SNX24: variants seen among roughly 807,000 people sequenced by gnomAD.
The protein encoded by SNX24 is sorting nexin-24.
In SNX24, 22 loss-of-function variants were observed where a neutral mutation model predicts 28.7. That is an observed-to-expected ratio of 0.77 (90% CI 0.55 to 1.10). The LOEUF is 1.10. Among genes scored for constraint, SNX24 ranks in the 50% least tolerant of loss-of-function variants. The probability of loss-of-function intolerance (pLI) is 0.00; values close to 1 mark genes in which losing one functional copy is unlikely to be tolerated. For missense variants in SNX24, 221 were observed against 201.1 expected (o/e 1.10, Z -0.60); for synonymous variants, 69 against 71.5 (o/e 0.96, Z 0.18).
At chr5:123,002,660 T>C (rs1189506892) in intron 6 of SNX24, among the ~76,000 whole-genome samples, 2 of 152,264 alleles carry the variant, frequency 1.3e-5, no homozygotes, top group African/African-American at 4.8e-5. Context: ...CGAAACTATG[T>C]GTATATACAT....
At chr5:122,989,819 A>G (rs138312961) in intron 3 of SNX24, among the ~76,000 whole-genome samples, 134 of 152,336 alleles carry the variant, frequency 8.8e-4, no homozygotes, top group Non-Finnish European at 1.4e-3. Context: ...ATTCATTTCA[A>G]TGTTAGATTT....
intron 3 of SNX24, among the ~76,000 whole-genome samples, chr5:122,967,228 A>T (rs1176447781): frequency 1.3e-5 from 2 of 152,208 alleles, no homozygotes; most frequent in Non-Finnish European, 2.9e-5. Flanking sequence ...ATTATCTCCT[A>T]GCCCTCACCA....
intron 1 of SNX24, among the ~76,000 whole-genome samples, chr5:122,903,174 G>A (rs30033): frequency 0.78 from 118,373 of 152,026 alleles, 47,127 homozygotes; most frequent in East Asian, 0.99. Context: ...TGGCACGATC[G>A]TGGCTCACTG....
Position 123,008,164 on chromosome 5 carries a change from C to G in SNX24, c.*415C>G. On this transcript the variant is annotated 3_prime_UTR_variant, in exon 7 of 7. Transcript: ENST00000261369. ...TTTTTTGTTCAGATCTTATGACACA[C>G]TACTCTTCTCACCGTGAGATTTTCT... 1.0e-6 allele frequency: 1 copy of G among 989,672 alleles called. No homozygotes were observed. The highest frequency in any genetic ancestry group is 1.2e-6 in the Non-Finnish European group (1 of 833,086). 61.3% of individuals were successfully genotyped at this position (989,672 alleles called of 1,614,324 possible).
intron 1 of SNX24, among the ~76,000 whole-genome samples, chr5:122,848,167 A>G (rs574444840): frequency 1.3e-5 from 2 of 152,150 alleles, no homozygotes; most frequent in Non-Finnish European, 2.9e-5. Flanking sequence ...CAGTGGCGCA[A>G]TCCTAGCTCA....
chr5:123,021,414 G>A (rs987454333), intron 5 of SNX24, among the ~76,000 whole-genome samples: 1 of 152,118 alleles, frequency 6.6e-6, no homozygotes, highest in Non-Finnish European at 1.5e-5. Flanking sequence ...GTGAGGGAAG[G>A]ATGTGATTTC....
downstream of SNX24, among the ~76,000 whole-genome samples, chr5:123,013,657 G>A (rs1762632290): frequency 1.3e-5 from 2 of 152,170 alleles, 1 homozygote; most frequent in Admixed American, 1.3e-4. Flanking sequence ...TGTGTCCTAA[G>A]AATGTGGTTG....
At chr5:122,860,699 C>G (rs2150041567) in intron 1 of SNX24, among the ~76,000 whole-genome samples, 3 of 152,242 alleles carry the variant, frequency 2.0e-5, no homozygotes, top group Admixed American at 2.0e-4. Context: ...CGGGTTCACG[C>G]CATTCTCCTG....
intron 1 of SNX24, among the ~76,000 whole-genome samples, chr5:122,899,726 A>T (rs1340051750): frequency 6.6e-6 from 1 of 152,110 alleles, no homozygotes; most frequent in East Asian, 1.9e-4. Flanking sequence ...TTGAATAGTA[A>T]AAAGTTCCTT....
At chr5:122,863,100 G>C (rs1755552537) in intron 1 of SNX24, among the ~76,000 whole-genome samples, 1 of 152,142 alleles carries the variant, frequency 6.6e-6, no homozygotes, top group Non-Finnish European at 1.5e-5. Flanking sequence ...CTAGTTGGGG[G>C]AGAGTAAGAG....
rs1484079744 is a variant in SNX24, at chr5:122,845,693, G to C, written c.60G>C (p.Thr20=). 3 of 1,400,988 alleles carry C rather than the reference G, an allele frequency of 2.1e-6. No homozygotes were observed. Among genetic ancestry groups the C allele is most frequent in the South Asian group, 1.7e-5 (1 of 57,452 alleles). 86.8% of individuals were successfully genotyped at this position (1,400,988 alleles called of 1,614,324 possible). ...YEESDLERGY[T]VFKIEVLMNG... Reference sequence around the variant, plus strand: ...AGAGCGACCTGGAGCGGGGATACACGGTAGGCGCGGGCCGCGGGCGGACAG... The same window carrying C: ...AGAGCGACCTGGAGCGGGGATACACCGTAGGCGCGGGCCGCGGGCGGACAG... Residue 20 remains threonine, a splice_region_variant and synonymous_variant, in exon 1 of 7, where the codon ACG becomes ACC. Coordinates refer to ENST00000261369, the MANE Select transcript of SNX24 (RefSeq NM_014035.4).
chr5:122,938,312 A>C (rs1759270701), intron 2 of SNX24, among the ~76,000 whole-genome samples: 1 of 152,094 alleles, frequency 6.6e-6, no homozygotes, highest in Admixed American at 6.5e-5. Flanking sequence ...ATTCATGGTC[A>C]AAAAAAATCC....
intron 1 of SNX24, among the ~76,000 whole-genome samples, chr5:122,909,758 G>C (rs372201146): frequency 5.9e-5 from 9 of 152,298 alleles, no homozygotes; most frequent in Non-Finnish European, 1.0e-4. Flanking sequence ...TTTCCATGGG[G>C]CAGAGACCGT....
chr5:122,907,739 T>C (rs186556985), intron 1 of SNX24, among the ~76,000 whole-genome samples: 1 of 152,180 alleles, frequency 6.6e-6, no homozygotes, highest in South Asian at 2.1e-4. Context: ...TTCTCCTGTT[T>C]ATAAGGAAAA....
intron 2 of SNX24, among the ~76,000 whole-genome samples, chr5:122,944,234 G>A (rs1005534257): frequency 1.1e-4 from 16 of 152,138 alleles, no homozygotes; most frequent in African/African-American, 3.9e-4. Flanking sequence ...TGACAACATA[G>A]CTCCTATTCT....
chr5:123,029,280 T>C (rs1404026836), exon 6 of SNX24: 7 of 1,614,026 alleles, frequency 4.3e-6, no homozygotes, highest in Non-Finnish European at 5.9e-6. Context: ...AGACCCAATT[T>C]AAAGGAAATA....
At chr5:122,982,199 G>A (rs1275607101) in intron 3 of SNX24, among the ~76,000 whole-genome samples, 1 of 152,210 alleles carries the variant, frequency 6.6e-6, no homozygotes, top group African/African-American at 2.4e-5. Context: ...CATCTCCTAT[G>A]TCAAGGGCAT....
intron 1 of SNX24, among the ~76,000 whole-genome samples, chr5:122,879,384 C>T (rs955059607): frequency 6.6e-6 from 1 of 152,120 alleles, no homozygotes; most frequent in African/African-American, 2.4e-5. Flanking sequence ...TAGCCCCTGT[C>T]GAGAATACAG....
chr5:122,938,567 T>C (rs962361661), intron 2 of SNX24, among the ~76,000 whole-genome samples: 1 of 152,334 alleles, frequency 6.6e-6, no homozygotes, highest in East Asian at 1.9e-4. Flanking sequence ...TTATGTATTA[T>C]CAAGGGGATA....
Sources: gnomAD v4.1 joint callset for allele counts (sites outside exome capture counted in the v4.1 genomes callset) on GRCh38, gnomAD v4.1.1 for gene constraint, MANE v1.5 for transcripts, NCBI Gene and HGNC (gene_info 2026-07-23, HGNC 2026-07-21) for gene names.